MIER1: variants seen among roughly 807,000 people sequenced by gnomAD.
MIER1 encodes the protein mesoderm induction early response protein 1.
MIER1 carries 40 observed loss-of-function variants against 75.7 expected under a neutral mutation model. The observed-to-expected ratio is 0.53, with a 90% CI of 0.41 to 0.69. The LOEUF is 0.69. Ranked by LOEUF, MIER1 falls within the 30% of genes least tolerant of loss-of-function variation. The pLI is 0.00. For missense variants in MIER1, 574 were observed against 680.2 expected (o/e 0.84, Z 1.74); for synonymous variants, 213 against 223.4 (o/e 0.95, Z 0.42).
At chr1:66,975,572 A>G (rs1664543425) in intron 11 of MIER1, among the ~76,000 whole-genome samples, 1 of 152,066 alleles carries the variant, frequency 6.6e-6, no homozygotes. Flanking sequence ...TATTTTATTT[A>G]TATACATCAG....
At position 66,971,848 on chromosome 1, in the gene MIER1, T is replaced by C. The variant is rs560227394; in HGVS notation, c.1006+112T>C. Reference sequence around the variant, plus strand: ...ATAATACTGATTTTTCTGAGTTTGATAAATATTTACAAAATACCAAGTATT... The same window carrying C: ...ATAATACTGATTTTTCTGAGTTTGACAAATATTTACAAAATACCAAGTATT... On this transcript the variant is annotated intron_variant, in intron 10 of 13. Coordinates refer to ENST00000401041, the MANE Select transcript of MIER1 (RefSeq NM_001077700.3). 6 of 557,816 alleles carry C rather than the reference T, an allele frequency of 1.1e-5. No individual in the cohort carries two copies. The South Asian group carries it at 1.4e-4, about 13-fold the overall frequency. 34.6% of individuals were successfully genotyped at this position (557,816 alleles called of 1,614,324 possible).
intron 3 of MIER1, among the ~76,000 whole-genome samples, chr1:66,945,632 C>T (rs1284900013): frequency 6.6e-6 from 1 of 152,090 alleles, no homozygotes; most frequent in East Asian, 1.9e-4. Context: ...GACGCCAAGG[C>T]AGGATGATTG....
intron 2 of MIER1, among the ~76,000 whole-genome samples, chr1:66,934,430 G>GTC (rs1220334726): frequency 6.7e-6 from 1 of 148,640 alleles, no homozygotes; most frequent in Middle Eastern, 3.4e-3. Context: ...TTGAGACAGG[G>GTC]TCTCTCTCTG....
At chr1:66,963,201 C>G (rs867359462) in intron 8 of MIER1, 41 bp downstream of exon 8, 1 of 1,234,984 alleles carries the variant, frequency 8.1e-7, no homozygotes, top group Non-Finnish European at 1.2e-6. Context: ...TTTATGCTTT[C>G]AGTGTAATGA....
intron 8 of MIER1, among the ~76,000 whole-genome samples, chr1:66,968,721 T>G (rs1393496014): frequency 6.6e-6 from 1 of 152,260 alleles, no homozygotes; most frequent in Non-Finnish European, 1.5e-5. Flanking sequence ...GACTTGTATC[T>G]GTTTTGATTA....
chr1:66,963,410 T>C (rs1255807348), intron 8 of MIER1, among the ~76,000 whole-genome samples: 1 of 152,220 alleles, frequency 6.6e-6, no homozygotes, highest in Non-Finnish European at 1.5e-5. Flanking sequence ...TAAAGTGACT[T>C]ACAATGTCTC....
At chr1:66,931,769 C>A (rs956347106) in intron 2 of MIER1, among the ~76,000 whole-genome samples, 2 of 152,024 alleles carry the variant, frequency 1.3e-5, no homozygotes, top group Non-Finnish European at 2.9e-5. Flanking sequence ...GGATTTTAGT[C>A]CTGGTGAGGT....
chr1:66,986,276 C>T lies in MIER1; in HGVS notation c.*1376C>T. ...AGATAGGATTATCCATCTGCATAGCCTTGTAAAAGTGCCATTTTATTTTTA... is the reference window on the plus strand; with the variant it reads ...AGATAGGATTATCCATCTGCATAGCTTTGTAAAAGTGCCATTTTATTTTTA... On this transcript the variant is annotated 3_prime_UTR_variant, in exon 14 of 14. Transcript: ENST00000401041. The T allele has an allele frequency of 6.9e-7, 1 of 1,447,372 alleles. No homozygotes were observed. Among genetic ancestry groups the T allele is most frequent in the Non-Finnish European group, 9.0e-7 (1 of 1,107,400 alleles). The allele number at this position is 1,447,372 out of a possible 1,614,324, so 89.7% of individuals were successfully genotyped here. A position where few individuals can be genotyped will look rare whatever the true frequency, so the allele number is the denominator to read the frequency against.
intron 2 of MIER1, 81 bp downstream of exon 2, chr1:66,926,323 A>C: frequency 1.8e-6 from 2 of 1,140,352 alleles, no homozygotes; most frequent in Non-Finnish European, 1.3e-6. Flanking sequence ...TACTCTTCTT[A>C]TATGTTCCAG....
intron 2 of MIER1, among the ~76,000 whole-genome samples, chr1:66,939,654 A>C (rs1168885522): frequency 6.6e-6 from 1 of 152,104 alleles, no homozygotes; most frequent in Non-Finnish European, 1.5e-5. Flanking sequence ...CTTGATAGCA[A>C]ACTTTGTTCA....
chr1:66,952,786 C>T (rs1659264966), intron 4 of MIER1, among the ~76,000 whole-genome samples: 1 of 152,172 alleles, frequency 6.6e-6, no homozygotes, highest in Admixed American at 6.5e-5. Flanking sequence ...GGACTACGGG[C>T]ATGCGCTGCC....
intron 3 of MIER1, among the ~76,000 whole-genome samples, chr1:66,945,260 GGT>G (rs1319006528): frequency 3.1e-4 from 9 of 28,680 alleles, no homozygotes; most frequent in Non-Finnish European, 4.8e-4. Context: ...TAAATAATCT[GGT>G]GTGTGTATAT....
At chr1:66,952,425 C>T (rs879702766) in intron 4 of MIER1, among the ~76,000 whole-genome samples, 2 of 152,040 alleles carry the variant, frequency 1.3e-5, no homozygotes, top group Non-Finnish European at 1.5e-5. Context: ...TTGCGTTACA[C>T]GATATCATTA....
intron 2 of MIER1, chr1:66,928,839 G>T: frequency 8.0e-7 from 1 of 1,243,038 alleles, no homozygotes; most frequent in South Asian, 1.3e-5. Flanking sequence ...TGTAGATTTG[G>T]GAACCTTAAA....
chr1:66,961,165 C>G (rs909271448), intron 7 of MIER1, among the ~76,000 whole-genome samples: 1 of 151,976 alleles, frequency 6.6e-6, no homozygotes. Flanking sequence ...TGTTTTCTTT[C>G]AGTATGATTT....
At chr1:66,925,194 C>A in intron 1 of MIER1, 99 bp downstream of exon 1, 1 of 1,456,258 alleles carries the variant, frequency 6.9e-7, no homozygotes, top group Non-Finnish European at 9.0e-7. Context: ...CTTCCCCTCC[C>A]CCACGGCAGT....
chr1:66,968,473 A>G (rs930801799), intron 8 of MIER1, among the ~76,000 whole-genome samples: 3 of 152,074 alleles, frequency 2.0e-5, no homozygotes, highest in Non-Finnish European at 4.4e-5. Flanking sequence ...ATATCCTGAT[A>G]TCTTTATTGT....
rs564480726 is a variant in MIER1 at position 66,927,500 on chromosome 1, C to T, written c.168+1258C>T. ...TGCATTTTCTTATGCCTTTAGCTCT[C>T]TCATGTCCTATTTTCAACTCTTCTA... On this transcript the variant is annotated intron_variant, in intron 2 of 13. Coordinates refer to ENST00000401041, the MANE Select transcript of MIER1 (RefSeq NM_001077700.3). 2.4e-4 allele frequency among the ~76,000 whole-genome samples: 37 copies of T among 152,162 alleles called. 1 individual carries two copies. In the South Asian group the frequency reaches 7.5e-3, roughly 31 times the overall value.
At chr1:66,927,657 AAAC>A (rs747364747) in intron 2 of MIER1, among the ~76,000 whole-genome samples, 1 of 152,150 alleles carries the variant, frequency 6.6e-6, no homozygotes, top group Non-Finnish European at 1.5e-5. Context: ...TAATGGATGG[AAAC>A]AACAAGGAGG....
Sources: allele counts gnomAD v4.1 joint callset (sites outside exome capture counted in the v4.1 genomes callset), GRCh38; gene constraint gnomAD v4.1.1; transcripts MANE v1.5; gene names NCBI Gene and HGNC (gene_info 2026-07-23, HGNC 2026-07-21).